AHI1: variants seen among roughly 807,000 people sequenced by gnomAD.
AHI1 encodes jouberin.
In AHI1, 123 loss-of-function variants were observed where a neutral mutation model predicts 149.3. The ratio of observed to expected loss-of-function variants is 0.82; its 90% CI spans 0.71 to 0.96. The LOEUF (loss-of-function observed/expected upper bound fraction) is 0.96, where lower values mean the gene tolerates loss of function less well. AHI1 is among the 40% of genes least tolerant of loss of function. AHI1 has a pLI of 0.00. For missense variants in AHI1, 1,439 were observed against 1,422.7 expected (o/e 1.01, Z -0.18); for synonymous variants, 475 against 459.8 (o/e 1.03, Z -0.42).
At chr6:135,328,602 TCTC>T (rs1788069118) in intron 24 of AHI1, among the ~76,000 whole-genome samples, 1 of 152,086 alleles carries the variant, frequency 6.6e-6, no homozygotes, top group East Asian at 1.9e-4. Flanking sequence ...TCTCTCCCCT[TCTC>T]CTTGGGCTTC....
chr6:135,361,690 CACACGT>C (rs1793909658), intron 23 of AHI1, among the ~76,000 whole-genome samples: 1 of 134,996 alleles, frequency 7.4e-6, no homozygotes, highest in African/African-American at 3.0e-5. Flanking sequence ...CACACACACA[CACACGT>C]GTGTATATTT....
rs556577820 is a variant in AHI1 at position 135,339,223 on chromosome 6, A to T, written c.3166-15899T>A. The stretch of plus-strand genomic sequence containing the variant: ...AGGTGGTGATATGAGTTAGGACTAG[A>T]GAAATTAATTTCCAGTTTGCCACAT... On this transcript the variant is annotated intron_variant, in intron 24 of 28. Coordinates refer to ENST00000265602, the MANE Select transcript of AHI1 (RefSeq NM_001134831.2). Among the ~76,000 whole-genome samples, 613 of 152,334 alleles carry T rather than the reference A, an allele frequency of 4.0e-3. 1 individual carries two copies. Among genetic ancestry groups the T allele is most frequent in the African/African-American group, 0.014 (590 of 41,592 alleles).
At chr6:135,351,893 T>C (rs558021948) in intron 24 of AHI1, among the ~76,000 whole-genome samples, 4 of 152,184 alleles carry the variant, frequency 2.6e-5, no homozygotes, top group South Asian at 2.1e-4. Context: ...TGGATATCCA[T>C]TGTGAAGAAC....
intron 8 of AHI1, among the ~76,000 whole-genome samples, chr6:135,461,658 C>T (rs967537263): frequency 1.4e-4 from 22 of 151,944 alleles, no homozygotes; most frequent in African/African-American, 5.1e-4. Context: ...TTGCCTAAAA[C>T]TAGAAACAAC....
chr6:135,369,265 G>A (rs1774671748), intron 23 of AHI1, among the ~76,000 whole-genome samples: 1 of 152,188 alleles, frequency 6.6e-6, no homozygotes, highest in Non-Finnish European at 1.5e-5. Flanking sequence ...AAGTTTTTCA[G>A]CTGTCTCACA....
intron 28 of AHI1, among the ~76,000 whole-genome samples, chr6:135,288,829 G>GAAAAC (rs1197981695): frequency 2.7e-5 from 4 of 150,306 alleles, no homozygotes; most frequent in South Asian, 2.1e-4. Flanking sequence ...TGCACATTTT[G>GAAAAC]AAAACAAAAC....
intron 5 of AHI1, among the ~76,000 whole-genome samples, chr6:135,475,839 T>A (rs1195498807): frequency 6.6e-6 from 1 of 152,226 alleles, no homozygotes; most frequent in African/African-American, 2.4e-5. Context: ...TAACAGCTTT[T>A]GAGTCCTGTG....
chr6:135,323,090 C>A, intron 25 of AHI1, 72 bp downstream of exon 25: 1 of 1,434,432 alleles, frequency 7.0e-7, no homozygotes. Context: ...AAATTAAAGA[C>A]TAGAAAATGA....
In AHI1 at chr6:135,432,563, AG is replaced by A. The variant is rs554691178; in HGVS notation, c.2266+463del. On this transcript the variant is annotated intron_variant, in intron 16 of 28. Transcript: ENST00000265602. ...GAGATGGTGTTTCACCGTGTTAGCC[AG>A]GATGGTCTTGATCTCCTGACCTTGT... 5.9e-5 allele frequency among the ~76,000 whole-genome samples: 9 copies of A among 152,268 alleles called. No homozygotes were observed. In the South Asian group the frequency reaches 1.9e-3, roughly 32 times the overall value.
intron 20 of AHI1, among the ~76,000 whole-genome samples, chr6:135,412,757 T>C (rs954848377): frequency 6.6e-6 from 1 of 152,164 alleles, no homozygotes; most frequent in African/African-American, 2.4e-5. Flanking sequence ...AATCTTGAAA[T>C]GGAAAGCCTT....
chr6:135,485,418 T>C (rs1794332036), intron 5 of AHI1, among the ~76,000 whole-genome samples: 1 of 152,204 alleles, frequency 6.6e-6, no homozygotes, highest in South Asian at 2.1e-4. Flanking sequence ...CTTCCTTTTG[T>C]ATTTTTCTGC....
chr6:135,417,673 G>A (rs1782574744), intron 20 of AHI1, among the ~76,000 whole-genome samples: 1 of 151,702 alleles, frequency 6.6e-6, no homozygotes. Context: ...TTTCTATACA[G>A]AAGCCAACTG....
chr6:135,428,851 A>T, intron 18 of AHI1, 92 bp from the exon 19 acceptor site: 2 of 1,178,632 alleles, frequency 1.7e-6, no homozygotes, highest in Non-Finnish European at 2.3e-6. Flanking sequence ...CTTAATTTCC[A>T]TTCAACAAAC....
intron 24 of AHI1, among the ~76,000 whole-genome samples, chr6:135,335,676 A>G (rs1214865028): frequency 1.3e-5 from 2 of 152,192 alleles, no homozygotes; most frequent in African/African-American, 4.8e-5. Context: ...AATTATTTTA[A>G]ATTCTCTTAA....
At chr6:135,334,041 C>A (rs182061545) in intron 24 of AHI1, among the ~76,000 whole-genome samples, 8 of 152,256 alleles carry the variant, frequency 5.3e-5, no homozygotes, top group African/African-American at 1.7e-4. Context: ...ACAACAATAA[C>A]GATAAAGCAT....
intron 21 of AHI1, among the ~76,000 whole-genome samples, chr6:135,405,509 G>A (rs568064523): frequency 8.5e-5 from 13 of 152,204 alleles, no homozygotes; most frequent in African/African-American, 2.9e-4. Flanking sequence ...AGAGAAACTA[G>A]TAAAAGTCGA....
chr6:135,429,955 C>G lies in AHI1; in HGVS notation c.2419G>C (p.Glu807Gln), dbSNP rs1487870522. 2 of 1,586,516 alleles carry G rather than the reference C, an allele frequency of 1.3e-6. No individual in the cohort carries two copies. The highest frequency in any genetic ancestry group is 2.3e-5 in the South Asian group (2 of 85,428). ...EFKGIPISYL[E>Q]IHPNGKRLLI... ...AAACGTTTTCCATTGGGATGAATCT[C>G]CAAATAACTTATTGGAATTCCCTTA... The change falls in exon 18 of 29, where the codon GAG becomes CAG. Residue 807 changes from glutamate (E) to glutamine (Q), a missense_variant. By Grantham distance (29) the Glu-to-Gln change is conservative (BLOSUM62 2). Transcript: ENST00000265602.
chr6:135,413,521 AG>A (rs1583108506), intron 20 of AHI1, among the ~76,000 whole-genome samples: 1 of 152,048 alleles, frequency 6.6e-6, no homozygotes, highest in East Asian at 1.9e-4. Flanking sequence ...GTCTAGGTAG[AG>A]CTAAAGTGGA....
intron 27 of AHI1, among the ~76,000 whole-genome samples, chr6:135,296,285 G>A (rs1783085189): frequency 6.6e-6 from 1 of 152,104 alleles, no homozygotes; most frequent in Admixed American, 6.6e-5. Flanking sequence ...GTCTCACCTG[G>A]ATAATTTCAA....
Sources: gnomAD v4.1 joint callset for allele counts (sites outside exome capture counted in the v4.1 genomes callset) on GRCh38, gnomAD v4.1.1 for gene constraint, MANE v1.5 for transcripts, NCBI Gene and HGNC (gene_info 2026-07-23, HGNC 2026-07-21) for gene names.